Variants in CNTNAP2 observed in about 807,000 individuals in gnomAD.
CNTNAP2 encodes contactin associated protein 2, also known as contactin-associated protein-like 2.
A neutral mutation model predicts 155.2 loss-of-function variants in CNTNAP2; 98 were observed. The observed-to-expected ratio is 0.63, with a 90% confidence interval of 0.54 to 0.75. The LOEUF is 0.75. Among genes scored for constraint, CNTNAP2 ranks in the 30% least tolerant of loss-of-function variants. CNTNAP2 has a pLI of 0.00. For missense variants in CNTNAP2, 1,727 were observed against 1,688.1 expected, an observed-to-expected ratio of 1.02 and a Z score of -0.40; for synonymous variants, 651 against 631.2, an observed-to-expected ratio of 1.03 and a Z score of -0.47.
In CNTNAP2 at chr7:147,256,889, GA is replaced by G. The variant is rs547821135; in HGVS notation, c.1349-43242del. 2.2e-3 allele frequency among the ~76,000 whole-genome samples: 325 copies of G among 146,126 alleles called. 1 individual carries two copies. Among genetic ancestry groups the G allele is most frequent in the Non-Finnish European group, 3.8e-3 (252 of 66,290 alleles). ...GACTGACGTTGAGTGAAGGCTCCAG[GA>G]AAAAAAAAATACTAGGACTGACATT... On this transcript the variant is annotated intron_variant, in intron 8 of 23. Transcript: ENST00000361727.
intron 8 of CNTNAP2, among the ~76,000 whole-genome samples, chr7:147,220,565 GATTAAT>G (rs1803375370): frequency 6.6e-6 from 1 of 152,106 alleles, no homozygotes; most frequent in South Asian, 2.1e-4. Context: ...GATATAATTG[GATTAAT>G]ATTTAGTACT....
chr7:146,440,493 C>T (rs945664834), intron 1 of CNTNAP2, among the ~76,000 whole-genome samples: 5 of 151,304 alleles, frequency 3.3e-5, no homozygotes, highest in Admixed American at 1.3e-4. Context: ...TATAGCCTGA[C>T]GTTTAATGAA....
At chr7:146,547,088 G>T (rs991070713) in intron 1 of CNTNAP2, among the ~76,000 whole-genome samples, 8 of 151,894 alleles carry the variant, frequency 5.3e-5, no homozygotes, top group Non-Finnish European at 8.8e-5. Context: ...GTGTCCAAAG[G>T]TCTGAAAGCC....
intron 21 of CNTNAP2, among the ~76,000 whole-genome samples, chr7:148,321,263 T>C (rs1028298533): frequency 6.6e-6 from 1 of 151,982 alleles, no homozygotes; most frequent in African/African-American, 2.4e-5. Context: ...CAGAAGGAAA[T>C]CAGGAATTCC....
At chr7:147,074,671 A>C (rs921891498) in intron 4 of CNTNAP2, among the ~76,000 whole-genome samples, 2 of 152,218 alleles carry the variant, frequency 1.3e-5, no homozygotes, top group African/African-American at 2.4e-5. Flanking sequence ...AGAATAGGCC[A>C]AAATATACAT....
chr7:146,778,906 A>G (rs1441666675), intron 2 of CNTNAP2, among the ~76,000 whole-genome samples: 1 of 152,228 alleles, frequency 6.6e-6, no homozygotes, highest in Non-Finnish European at 1.5e-5. Flanking sequence ...AGGCTTAGTG[A>G]GAACACCTGA....
At chr7:147,046,749 G>T (rs1025475650) in intron 4 of CNTNAP2, among the ~76,000 whole-genome samples, 2 of 152,046 alleles carry the variant, frequency 1.3e-5, no homozygotes, top group African/African-American at 4.8e-5. Context: ...AAAAGTTTAG[G>T]CCGGGCGCGG....
chr7:147,838,862 G>A (rs980688874), intron 13 of CNTNAP2, among the ~76,000 whole-genome samples: 5 of 152,018 alleles, frequency 3.3e-5, no homozygotes, highest in African/African-American at 1.2e-4. Context: ...TATCTTTTCA[G>A]TAGGGCTCCA....
chr7:146,295,279 A>C (rs1800495177), intron 1 of CNTNAP2, among the ~76,000 whole-genome samples: 1 of 152,198 alleles, frequency 6.6e-6, no homozygotes, highest in Non-Finnish European at 1.5e-5. Context: ...GAGATGAATA[A>C]AATGGATTTG....
At chr7:146,822,563 C>G (rs1251816808) in intron 2 of CNTNAP2, among the ~76,000 whole-genome samples, 1 of 150,506 alleles carries the variant, frequency 6.6e-6, no homozygotes, top group African/African-American at 2.4e-5. Flanking sequence ...CCTACAGTGT[C>G]TGAGTATTAA....
At chr7:147,984,872 T>G (rs1047196227) in intron 15 of CNTNAP2, among the ~76,000 whole-genome samples, 1 of 152,090 alleles carries the variant, frequency 6.6e-6, no homozygotes, top group African/African-American at 2.4e-5. Flanking sequence ...CCCAACACTT[T>G]GGGAGGCTGA....
intron 14 of CNTNAP2, among the ~76,000 whole-genome samples, chr7:147,963,522 A>G (rs945276763): frequency 6.6e-6 from 1 of 152,164 alleles, no homozygotes; most frequent in East Asian, 1.9e-4. Flanking sequence ...AGGGCGCAAC[A>G]TGTACAAACA....
At chr7:147,319,056 T>A (rs1368310586) in intron 9 of CNTNAP2, among the ~76,000 whole-genome samples, 1 of 152,196 alleles carries the variant, frequency 6.6e-6, no homozygotes, top group Non-Finnish European at 1.5e-5. Context: ...AATGTACATT[T>A]GTTACTTACA....
intron 12 of CNTNAP2, among the ~76,000 whole-genome samples, chr7:147,633,409 T>C (rs1468616868): frequency 1.3e-5 from 2 of 152,188 alleles, no homozygotes; most frequent in Non-Finnish European, 2.9e-5. Flanking sequence ...AGACGAGATA[T>C]GTGGGGTTGG....
At chr7:147,118,399 A>G (rs1801031504) in intron 5 of CNTNAP2, among the ~76,000 whole-genome samples, 1 of 151,368 alleles carries the variant, frequency 6.6e-6, no homozygotes, top group Non-Finnish European at 1.5e-5. Context: ...TTAAACACAT[A>G]GAAATATGTT....
intron 13 of CNTNAP2, among the ~76,000 whole-genome samples, chr7:147,823,713 A>G (rs1039795249): frequency 3.2e-4 from 41 of 127,510 alleles, no homozygotes; most frequent in African/African-American, 1.1e-3. Flanking sequence ...ACTTGCAAGC[A>G]AGGGCTTAAA....
chr7:147,055,485 C>G (rs1286435174), intron 4 of CNTNAP2, among the ~76,000 whole-genome samples: 1 of 152,162 alleles, frequency 6.6e-6, no homozygotes, highest in Non-Finnish European at 1.5e-5. Flanking sequence ...TCCTCTTTAT[C>G]CCATGGGTAA....
intron 21 of CNTNAP2, among the ~76,000 whole-genome samples, chr7:148,286,130 G>T (rs1410042541): frequency 6.6e-6 from 1 of 152,180 alleles, no homozygotes; most frequent in Non-Finnish European, 1.5e-5. Context: ...CTGAGGAGGA[G>T]GAAGAGGGGT....
Position 146,977,865 on chromosome 7 carries a change from A to T in CNTNAP2, c.403-66042A>T, listed in dbSNP as rs531860977. On this transcript the variant is annotated intron_variant, in intron 3 of 23. Coordinates refer to ENST00000361727, the MANE Select transcript of CNTNAP2 (RefSeq NM_014141.6). Reference sequence around the variant, plus strand: ...TGTCAAATTACATGGGTTGATATGGAAGAGAGATAAGTAAATAAAACTCCA... The same window carrying T: ...TGTCAAATTACATGGGTTGATATGGTAGAGAGATAAGTAAATAAAACTCCA... Among the ~76,000 whole-genome samples the T allele has an allele frequency of 2.0e-5, 3 of 152,318 alleles. No homozygotes were observed. The South Asian group carries it at 6.2e-4, about 32-fold the overall frequency.
Sources: allele counts gnomAD v4.1 joint callset (sites outside exome capture counted in the v4.1 genomes callset), GRCh38; gene constraint gnomAD v4.1.1; transcripts MANE v1.5; gene names NCBI Gene and HGNC (gene_info 2026-07-23, HGNC 2026-07-21).